Variants in RPTOR observed in about 807,000 individuals in gnomAD.
RPTOR encodes the protein regulatory-associated protein of mTOR.
In RPTOR, 21 loss-of-function variants were observed where a neutral mutation model predicts 169.9. The observed-to-expected ratio is 0.12, with a 90% CI of 0.09 to 0.18. The LOEUF is 0.18. RPTOR is among the 10% of genes least tolerant of loss of function. The pLI is 1.00. For missense variants in RPTOR, 1,133 were observed against 1,855.9 expected, an observed-to-expected ratio of 0.61 and a Z score of 7.16; for synonymous variants, 732 against 753.2, an observed-to-expected ratio of 0.97 and a Z score of 0.46.
At chr17:80,653,657 C>T (rs1037325450) in intron 3 of RPTOR, among the ~76,000 whole-genome samples, 7 of 152,322 alleles carry the variant, frequency 4.6e-5, no homozygotes, top group Non-Finnish European at 1.0e-4. Context: ...CGGTGCATGT[C>T]CACACCAGTG....
At chr17:80,751,884 A>G (rs907283716) in intron 5 of RPTOR, among the ~76,000 whole-genome samples, 11 of 152,196 alleles carry the variant, frequency 7.2e-5, no homozygotes, top group African/African-American at 2.7e-4. Flanking sequence ...TCTCAGTCTG[A>G]AGCCTCATTC....
In RPTOR at chr17:80,845,561, A is replaced by G. The variant is rs555071523; in HGVS notation, c.1213-912A>G. On this transcript the variant is annotated intron_variant, in intron 10 of 33. Transcript: ENST00000306801. This position sits in a 1 kb window ranked among gnomAD's most constrained non-coding sequence, Gnocchi z 5.4. The stretch of plus-strand genomic sequence containing the variant: ...GGGAGCAGCCCTGCTCTGCCAGCCC[A>G]GCCTGTGCTTCCAGTCCCATCCCCC... Among the ~76,000 whole-genome samples the G allele has an allele frequency of 7.7e-4, 116 of 150,444 alleles. No homozygotes were observed. Among genetic ancestry groups the G allele is most frequent in the African/African-American group, 2.8e-3 (114 of 40,746 alleles).
intron 21 of RPTOR, among the ~76,000 whole-genome samples, chr17:80,912,279 T>G (rs533705770): frequency 6.6e-6 from 1 of 152,336 alleles, no homozygotes; most frequent in East Asian, 1.9e-4. Flanking sequence ...ACAGGATGGC[T>G]GTGGCCATGG....
intron 3 of RPTOR, among the ~76,000 whole-genome samples, chr17:80,664,862 T>G (rs544576784): frequency 1.2e-4 from 18 of 152,240 alleles, no homozygotes; most frequent in Non-Finnish European, 2.5e-4. Flanking sequence ...AATATACTTT[T>G]CTAAATTTTA....
chr17:80,688,083 G>A (rs1781274858), intron 3 of RPTOR, among the ~76,000 whole-genome samples: 1 of 152,164 alleles, frequency 6.6e-6, no homozygotes, highest in Non-Finnish European at 1.5e-5. Context: ...CCTGAGTGGG[G>A]GAAATAATTA....
At position 80,871,355 on chromosome 17, in the gene RPTOR, G is replaced by A. The variant is rs541074113; in HGVS notation, c.1510-9060G>A. Among the ~76,000 whole-genome samples the A allele has an allele frequency of 3.3e-5, 5 of 152,264 alleles. No individual in the cohort carries two copies. In the East Asian group the frequency reaches 7.7e-4, roughly 24 times the overall value. ...CGATCTCCTGACTGCGTGAGCCACC[G>A]CTCCCGGCCATGCCCAATGTTTTTG... On this transcript the variant is annotated intron_variant, in intron 13 of 33. Transcript: ENST00000306801.
chr17:80,832,915 A>G (rs1435251465), intron 9 of RPTOR, among the ~76,000 whole-genome samples: 1 of 152,202 alleles, frequency 6.6e-6, no homozygotes, highest in Non-Finnish European at 1.5e-5. Context: ...CCTAACAAAC[A>G]TTGAGGTTAA....
intron 1 of RPTOR, among the ~76,000 whole-genome samples, chr17:80,578,354 C>G (rs897416450): frequency 1.3e-5 from 2 of 152,178 alleles, no homozygotes; most frequent in Non-Finnish European, 2.9e-5. Flanking sequence ...TCAGGCCTGA[C>G]TGTCTCCAAA....
At chr17:80,828,631 TTTGAATGCC>T (rs2067471015) in intron 9 of RPTOR, among the ~76,000 whole-genome samples, 1 of 152,186 alleles carries the variant, frequency 6.6e-6, no homozygotes, top group Non-Finnish European at 1.5e-5. Context: ...TCACCCTGCC[TTTGAATGCC>T]CAGCCTCTTT....
Position 80,760,185 on chromosome 17 carries a change from T to C in RPTOR, c.830+6000T>C, listed in dbSNP as rs537037823. Among the ~76,000 whole-genome samples, 5 of 152,252 alleles carry C rather than the reference T, an allele frequency of 3.3e-5. No homozygotes were observed. In the East Asian group the frequency reaches 9.6e-4, roughly 29 times the overall value. On this transcript the variant is annotated intron_variant, in intron 6 of 33. Coordinates refer to ENST00000306801, the MANE Select transcript of RPTOR (RefSeq NM_020761.3). ...TGGTTCTGTGAAGGGGCAGACGCAC[T>C]TGGGTTAGGCTTTTCGGGCCACACA...
intron 9 of RPTOR, among the ~76,000 whole-genome samples, chr17:80,836,397 G>A (rs1033996083): frequency 5.9e-5 from 9 of 152,212 alleles, no homozygotes; most frequent in Admixed American, 2.6e-4. Flanking sequence ...AGTTGGGTAC[G>A]GCTGGATGCC....
At chr17:80,829,161 T>G (rs1238185056) in intron 9 of RPTOR, among the ~76,000 whole-genome samples, 4 of 152,252 alleles carry the variant, frequency 2.6e-5, no homozygotes, top group Non-Finnish European at 5.9e-5. Context: ...AAATAGAGTC[T>G]TTATGGCTAA....
intron 5 of RPTOR, chr17:80,743,523 G>C (rs1241885721): frequency 1.1e-6 from 1 of 887,364 alleles, no homozygotes; most frequent in Non-Finnish European, 1.4e-6. Context: ...GCATTGCCAG[G>C]TCTGAAAGAG....
chr17:80,568,798 T>C (rs1322693067), intron 1 of RPTOR, among the ~76,000 whole-genome samples: 1 of 152,222 alleles, frequency 6.6e-6, no homozygotes, highest in African/African-American at 2.4e-5. Flanking sequence ...TGTTGCAATG[T>C]CTTCGCGTTC....
intron 13 of RPTOR, among the ~76,000 whole-genome samples, chr17:80,876,853 GGT>G (rs1250699476): frequency 7.0e-6 from 1 of 142,410 alleles, no homozygotes; most frequent in Non-Finnish European, 1.5e-5. Context: ...TGCCACACAG[GGT>G]GTGTGTGTCG....
intron 9 of RPTOR, among the ~76,000 whole-genome samples, chr17:80,836,976 T>G (rs1036060141): frequency 6.6e-6 from 1 of 151,922 alleles, no homozygotes; most frequent in African/African-American, 2.4e-5. Context: ...GCAGGTGGCA[T>G]TGGGCGCCCT....
At chr17:80,886,229 C>T (rs927362864) in intron 17 of RPTOR, among the ~76,000 whole-genome samples, 2 of 152,222 alleles carry the variant, frequency 1.3e-5, no homozygotes, top group Non-Finnish European at 2.9e-5. Context: ...TTGGGAGGGA[C>T]GTGACCCGGA....
At position 80,959,505 on chromosome 17, in the gene RPTOR, A is replaced by T. The variant is rs78544855; in HGVS notation, c.3478-573A>T. Among the ~76,000 whole-genome samples the T allele has an allele frequency of 4.2e-3, 633 of 152,144 alleles. 8 individuals carry two copies. Among genetic ancestry groups the T allele is most frequent in the African/African-American group, 0.015 (619 of 41,508 alleles). On this transcript the variant is annotated intron_variant, in intron 29 of 33. Transcript: ENST00000306801. The surrounding 1 kb of genome is among the most constrained non-coding windows in gnomAD (Gnocchi z 6.7). ...CCCAGCACCGCCCATCGTGCGTGGA[A>T]AGCGCTCTCCCTCTCGTGGCCCTTT...
At chr17:80,717,627 T>C (rs1316213015) in intron 4 of RPTOR, among the ~76,000 whole-genome samples, 1 of 152,164 alleles carries the variant, frequency 6.6e-6, no homozygotes, top group Non-Finnish European at 1.5e-5. Flanking sequence ...TCAGATAGGC[T>C]CCCTCCATCA....
Sources: gnomAD v4.1 joint callset for allele counts (sites outside exome capture counted in the v4.1 genomes callset) on GRCh38, gnomAD v4.1.1 for gene constraint, Gnocchi (gnomAD v3.1) non-coding constraint, MANE v1.5 for transcripts, NCBI Gene and HGNC (gene_info 2026-07-23, HGNC 2026-07-21) for gene names.